The following IL17RD variants were observed in gnomAD, a reference collection of about 807,000 sequenced individuals.
The protein encoded by IL17RD is interleukin 17 receptor D, also known as interleukin-17 receptor D.
Under a neutral mutation model 80.5 loss-of-function variants are expected in IL17RD, and 52 were observed. That is an observed-to-expected ratio of 0.65 (90% CI 0.52 to 0.81). The LOEUF (loss-of-function observed/expected upper bound fraction) is 0.81, where lower values mean the gene tolerates loss of function less well. Ranked by LOEUF, IL17RD falls within the 40% of genes least tolerant of loss-of-function variation. The pLI is 0.00. For synonymous variants in IL17RD, 416 were observed against 391.8 expected, an observed-to-expected ratio of 1.06 and a Z score of -0.73; for missense variants, 1,024 against 955.1, an observed-to-expected ratio of 1.07 and a Z score of -0.95.
At chr3:57,156,129 G>A (rs750341387) in intron 1 of IL17RD, among the ~76,000 whole-genome samples, 6 of 152,152 alleles carry the variant, frequency 3.9e-5, no homozygotes, top group South Asian at 2.1e-4. Context: ...ACACTGCAAC[G>A]GGGAAGAAGG....
chr3:57,139,555 C>G (rs1271587129), intron 1 of IL17RD, among the ~76,000 whole-genome samples: 1 of 150,480 alleles, frequency 6.6e-6, no homozygotes, highest in Admixed American at 6.6e-5. Flanking sequence ...GCTCTGTCTC[C>G]CAGGCTGTAG....
In IL17RD at chr3:57,097,863, C is replaced by T. The variant is rs765937234; in HGVS notation, c.1840G>A (p.Gly614Arg). ...KVEAAVLGAT[G>R]PADSQHESQH... is the part of the protein sequence containing the mutation. The stretch of plus-strand genomic sequence containing the variant: ...CTCTCGTGCTGGGAGTCGGCTGGTC[C>T]GGTTGCCCCAAGAACAGCCGCCTCT... The change falls in exon 12 of 13, where the codon GGA becomes AGA. Residue 614 changes from glycine to arginine, a missense_variant. Transcript: ENST00000296318. 18 of 1,613,468 alleles carry T rather than the reference C, an allele frequency of 1.1e-5. No individual in the cohort carries two copies. The South Asian group carries it at 1.2e-4, about 11-fold the overall frequency.
chr3:57,117,718 C>G (rs765420599), intron 2 of IL17RD, among the ~76,000 whole-genome samples: 2 of 152,258 alleles, frequency 1.3e-5, no homozygotes, highest in Admixed American at 6.5e-5. Flanking sequence ...CTGTGGAAGA[C>G]AGAAATATCT....
At chr3:57,151,124 T>C (rs1207681866) in intron 1 of IL17RD, among the ~76,000 whole-genome samples, 3 of 152,348 alleles carry the variant, frequency 2.0e-5, no homozygotes, top group South Asian at 2.1e-4. Context: ...GCGGCTTTCC[T>C]GAAATCAGAC....
chr3:57,098,426 A>C lies in IL17RD; in HGVS notation c.1277T>G (p.Met426Arg). ...QFIIVVCSKGMKYFVDKKNYK... is the reference protein window; with the variant it reads ...QFIIVVCSKGRKYFVDKKNYK... ...GTTCTTCTTGTCCACAAAGTACTTC[A>C]TACCTTTGGAACAAACCACAATGAT... Residue 426 changes from methionine to arginine, a missense_variant, in exon 12 of 13, where the codon ATG (methionine) becomes AGG (arginine). By Grantham distance (91) the Met-to-Arg change is moderately conservative. Transcript: ENST00000296318. 1 of 1,613,904 alleles carries C rather than the reference A, an allele frequency of 6.2e-7. No individual in the cohort carries two copies. Among genetic ancestry groups the C allele is most frequent in the Non-Finnish European group, 8.5e-7 (1 of 1,179,854 alleles).
At chr3:57,164,356 C>G (rs2060330322) in intron 1 of IL17RD, among the ~76,000 whole-genome samples, 1 of 152,206 alleles carries the variant, frequency 6.6e-6, no homozygotes, top group African/African-American at 2.4e-5. Context: ...TGGCAATCAC[C>G]CGCGCCCATC....
chr3:57,135,732 G>T (rs1707711088), intron 1 of IL17RD, among the ~76,000 whole-genome samples: 1 of 152,306 alleles, frequency 6.6e-6, no homozygotes, highest in South Asian at 2.1e-4. Flanking sequence ...AATAAAGTGA[G>T]TTAGGACCAC....
rs2060235506 is a variant in IL17RD, at chr3:57,152,627, T to C, written c.126+12534A>G. On this transcript the variant is annotated intron_variant, in intron 1 of 12. Transcript: ENST00000296318. ...TGCTTTTTGACATTTTAACTTACTT[T>C]GAAAAATGACCAATATTAACTTTAC... 1.3e-5 allele frequency among the ~76,000 whole-genome samples: 2 copies of C among 152,198 alleles called. 1 individual carries two copies. Among genetic ancestry groups the C allele is most frequent in the African/African-American group, 4.8e-5 (2 of 41,436 alleles).
chr3:57,111,482 G>A (rs1396317909), intron 3 of IL17RD, among the ~76,000 whole-genome samples: 1 of 152,142 alleles, frequency 6.6e-6, no homozygotes, highest in East Asian at 1.9e-4. Flanking sequence ...CAGACAAGGT[G>A]ATGACAAAGT....
At position 57,147,129 on chromosome 3, in the gene IL17RD, G is replaced by T. The variant is rs1232351744; in HGVS notation, c.126+18032C>A. Among the ~76,000 whole-genome samples, 5 of 151,948 alleles carry T rather than the reference G, an allele frequency of 3.3e-5. No individual in the cohort carries two copies. The East Asian group carries it at 9.7e-4, about 30-fold the overall frequency. On this transcript the variant is annotated intron_variant, in intron 1 of 12. Coordinates refer to ENST00000296318, the MANE Select transcript of IL17RD (RefSeq NM_017563.5). ...TGGGATCATAGGCTTAACCCACCTG[G>T]CTGATAAATGTCAATATTATTAGGA...
Position 57,095,162 on chromosome 3 carries a change from C to T in IL17RD, c.*1231G>A, listed in dbSNP as rs994779315. 2 of 152,222 alleles carry T rather than the reference C, an allele frequency of 1.3e-5. No homozygotes were observed. The highest frequency in any genetic ancestry group is 1.3e-4 in the Admixed American group (2 of 15,278). The allele number at this position is 152,222 out of a possible 1,614,324, so 9.4% of individuals were successfully genotyped here. A position where few individuals can be genotyped will look rare whatever the true frequency, so the allele number is the denominator to read the frequency against. ...GAAAACGGGTGCCAAAATCTAACAG[C>T]ACCCATGAGAAAGGTAGTGAGAGAT... On this transcript the variant is annotated 3_prime_UTR_variant, in exon 13 of 13. Transcript: ENST00000296318.
Position 57,120,317 on chromosome 3 carries a change from T to G in IL17RD, c.127-4A>C. On this transcript the variant is annotated splice_polypyrimidine_tract_variant and splice_region_variant and intron_variant, in intron 1 of 12. Coordinates refer to ENST00000296318, the MANE Select transcript of IL17RD (RefSeq NM_017563.5). ...TTCTGCTGGCTGGCCCCACTCCCTG[T>G]GGGAAAACAAGAGAACATGATGCAG... 1 of 1,612,438 alleles carries G rather than the reference T, an allele frequency of 6.2e-7. No individual in the cohort carries two copies.
intron 1 of IL17RD, among the ~76,000 whole-genome samples, chr3:57,155,924 C>T (rs1397942697): frequency 6.6e-6 from 1 of 152,220 alleles, no homozygotes; most frequent in Non-Finnish European, 1.5e-5. Context: ...GCTTGACTGA[C>T]ATGTCACCTC....
intron 1 of IL17RD, among the ~76,000 whole-genome samples, chr3:57,124,099 C>A (rs1707397202): frequency 6.6e-6 from 1 of 152,140 alleles, no homozygotes; most frequent in Non-Finnish European, 1.5e-5. Flanking sequence ...AAGTGCACAG[C>A]TTCTCAGCAC....
intron 1 of IL17RD, among the ~76,000 whole-genome samples, chr3:57,159,476 G>A (rs1051367125): frequency 3.9e-5 from 6 of 152,158 alleles, no homozygotes; most frequent in Admixed American, 1.3e-4. Flanking sequence ...TGTGGGCCCC[G>A]GAGGAGACAA....
intron 1 of IL17RD, among the ~76,000 whole-genome samples, chr3:57,162,887 TA>T (rs2060315102): frequency 6.6e-6 from 1 of 152,024 alleles, no homozygotes; most frequent in Non-Finnish European, 1.5e-5. Context: ...CATGAGAAGG[TA>T]AAGCAAGGGG....
At chr3:57,104,800 A>G (rs1275242892) in intron 7 of IL17RD, among the ~76,000 whole-genome samples, 1 of 152,216 alleles carries the variant, frequency 6.6e-6, no homozygotes, top group Non-Finnish European at 1.5e-5. Context: ...CTTGATAGAG[A>G]TGAGAGCCAG....
intron 1 of IL17RD, among the ~76,000 whole-genome samples, chr3:57,158,462 C>T (rs1331220299): frequency 6.6e-6 from 1 of 152,166 alleles, no homozygotes; most frequent in Admixed American, 6.5e-5. Context: ...AGCCCATTTC[C>T]GTTTTAGAAG....
Position 57,127,379 on chromosome 3 carries a change from A to AATAT in IL17RD, c.127-7067_127-7066insATAT, listed in dbSNP as rs1559477347. ...ATATAAATATAAATATATATATATA[A>AATAT]ATAAATAAATAAATAAATATATATA... On this transcript the variant is annotated intron_variant, in intron 1 of 12. Coordinates refer to ENST00000296318, the MANE Select transcript of IL17RD (RefSeq NM_017563.5). Among the ~76,000 whole-genome samples, 52 of 82,240 alleles carry AATAT rather than the reference A, an allele frequency of 6.3e-4. 1 individual carries two copies. The highest frequency in any genetic ancestry group is 3.6e-3 in the East Asian group (6 of 1,646). 54.0% of individuals were successfully genotyped at this position (82,240 alleles called of 152,430 possible).
Sources: gnomAD v4.1 joint callset for allele counts (sites outside exome capture counted in the v4.1 genomes callset) on GRCh38, gnomAD v4.1.1 for gene constraint, MANE v1.5 for transcripts, NCBI Gene and HGNC (gene_info 2026-07-23, HGNC 2026-07-21) for gene names.